DGCR2: variants seen among roughly 807,000 people sequenced by gnomAD.
The protein encoded by DGCR2 is integral membrane protein DGCR2/IDD.
Under a neutral mutation model 51.6 loss-of-function variants are expected in DGCR2, and 24 were observed. The observed-to-expected ratio is 0.47, with a 90% CI of 0.34 to 0.65. The LOEUF is 0.65. DGCR2 is among the 30% of genes least tolerant of loss of function. The pLI is 0.01. For synonymous variants in DGCR2, 340 were observed against 315.4 expected, an observed-to-expected ratio of 1.08 and a Z score of -0.82; for missense variants, 765 against 772.1, an observed-to-expected ratio of 0.99 and a Z score of 0.11.
chr22:19,103,084 A>C (rs763772457), intron 1 of DGCR2, among the ~76,000 whole-genome samples: 47 of 152,200 alleles, frequency 3.1e-4, no homozygotes, highest in Non-Finnish European at 6.0e-4. Flanking sequence ...AAATACTAAC[A>C]CATGCTATAA....
chr22:19,086,045 C>A (rs1000481620), intron 2 of DGCR2, among the ~76,000 whole-genome samples: 6 of 151,910 alleles, frequency 3.9e-5, no homozygotes, highest in African/African-American at 1.5e-4. Flanking sequence ...TTAAAAATTT[C>A]TTTTAAAATA....
chr22:19,071,265 C>A (rs930644190), intron 2 of DGCR2, among the ~76,000 whole-genome samples: 4 of 152,208 alleles, frequency 2.6e-5, no homozygotes, highest in African/African-American at 7.2e-5. Flanking sequence ...TTCCCCAGCA[C>A]AGGAACACAC....
intron 1 of DGCR2, among the ~76,000 whole-genome samples, chr22:19,101,516 G>A (rs1003962416): frequency 3.9e-5 from 6 of 152,026 alleles, no homozygotes; most frequent in South Asian, 2.1e-4. Flanking sequence ...CGAGGTGGGC[G>A]GATCACCTGA....
At chr22:19,049,126 G>A (rs1161914815) in intron 6 of DGCR2, among the ~76,000 whole-genome samples, 1 of 152,268 alleles carries the variant, frequency 6.6e-6, no homozygotes, top group East Asian at 1.9e-4. Context: ...CACTGCAGAA[G>A]TGTTTGCCTG....
intron 1 of DGCR2, among the ~76,000 whole-genome samples, chr22:19,113,724 T>C (rs915737509): frequency 2.0e-5 from 3 of 152,080 alleles, no homozygotes; most frequent in South Asian, 2.1e-4. Context: ...CCTACTGTTA[T>C]GTAGGTTTGA....
intron 1 of DGCR2, among the ~76,000 whole-genome samples, chr22:19,099,866 G>C (rs1197230327): frequency 6.6e-6 from 1 of 151,932 alleles, no homozygotes; most frequent in Non-Finnish European, 1.5e-5. Context: ...AGCTACTCTG[G>C]AGGCTGAGGC....
chr22:19,076,574 C>T (rs1302154540), intron 2 of DGCR2, among the ~76,000 whole-genome samples: 1 of 152,150 alleles, frequency 6.6e-6, no homozygotes, highest in Admixed American at 6.5e-5. Context: ...AAATCCTCGT[C>T]AACACTTGTC....
intron 8 of DGCR2, 65 bp downstream of exon 8, chr22:19,041,742 T>G: frequency 1.9e-6 from 3 of 1,553,906 alleles, no homozygotes; most frequent in Non-Finnish European, 2.6e-6. Flanking sequence ...GGGGAGCTCA[T>G]GGAGACATGG....
chr22:19,122,186 G>A lies in DGCR2; in HGVS notation c.21C>T (p.Ser7=), dbSNP rs761668933. 285 of 1,510,036 alleles carry A rather than the reference G, an allele frequency of 1.9e-4. No homozygotes were observed. The highest frequency in any genetic ancestry group is 2.4e-4 in the Non-Finnish European group (275 of 1,128,708). 93.5% of individuals were successfully genotyped at this position (1,510,036 alleles called of 1,614,324 possible). A position where few individuals can be genotyped will look rare whatever the true frequency, so the allele number is the denominator to read the frequency against. Residue 7 remains serine (S), a synonymous_variant, in exon 1 of 10, where the codon AGC becomes AGT. Coordinates refer to ENST00000263196, the MANE Select transcript of DGCR2 (RefSeq NM_005137.3). ...GCAGGAAGAGCAGCAGGAAGGCGCCGCTGTCTGCCTTGGGCACCATTTATC... is the reference window on the plus strand; with the variant it reads ...GCAGGAAGAGCAGCAGGAAGGCGCCACTGTCTGCCTTGGGCACCATTTATC... The part of the protein sequence containing the change: MVPKAD[S]GAFLLLFLLV...
intron 2 of DGCR2, among the ~76,000 whole-genome samples, chr22:19,072,214 A>G (rs571968585): frequency 4.6e-5 from 7 of 152,286 alleles, no homozygotes; most frequent in African/African-American, 1.7e-4. Flanking sequence ...CAGATTCCCC[A>G]TCGCCATTTT....
At chr22:19,102,137 AC>A (rs2083209137) in intron 1 of DGCR2, among the ~76,000 whole-genome samples, 1 of 152,248 alleles carries the variant, frequency 6.6e-6, no homozygotes, top group Non-Finnish European at 1.5e-5. Context: ...ATGAACCTGG[AC>A]AACATTATGC....
intron 2 of DGCR2, among the ~76,000 whole-genome samples, chr22:19,069,176 T>C (rs1040420511): frequency 6.6e-6 from 1 of 152,256 alleles, no homozygotes; most frequent in Admixed American, 6.5e-5. Flanking sequence ...GACAGACGCC[T>C]GCCAGCAAGT....
chr22:19,062,413 C>A (rs981369246), intron 5 of DGCR2, among the ~76,000 whole-genome samples: 1 of 152,228 alleles, frequency 6.6e-6, no homozygotes, highest in Admixed American at 6.5e-5. Context: ...CCCTTTTCAA[C>A]CCTGTCCCCA....
At chr22:19,080,181 T>G (rs1437794553) in intron 2 of DGCR2, among the ~76,000 whole-genome samples, 1 of 152,180 alleles carries the variant, frequency 6.6e-6, no homozygotes, top group Non-Finnish European at 1.5e-5. Context: ...TATTACCTAC[T>G]TGTCACTACA....
At chr22:19,114,750 C>T (rs566973936) in intron 1 of DGCR2, among the ~76,000 whole-genome samples, 43 of 152,300 alleles carry the variant, frequency 2.8e-4, no homozygotes, top group African/African-American at 8.2e-4. Context: ...CACAAACAAT[C>T]CTCTCCACAA....
chr22:19,057,763 T>C lies in DGCR2; in HGVS notation c.626-601A>G, dbSNP rs898743989. Reference sequence around the variant, plus strand: ...AACTGTCACCCACTCAGCTCCTGCCTAAGCCAGGCACAAGGCAGTCAGAAA... The same window carrying C: ...AACTGTCACCCACTCAGCTCCTGCCCAAGCCAGGCACAAGGCAGTCAGAAA... On this transcript the variant is annotated intron_variant, in intron 5 of 9. Coordinates refer to ENST00000263196, the MANE Select transcript of DGCR2 (RefSeq NM_005137.3). This position sits in a 1 kb window ranked among gnomAD's most constrained non-coding sequence, Gnocchi z 5.1. Among the ~76,000 whole-genome samples, 6 of 151,830 alleles carry C rather than the reference T, an allele frequency of 4.0e-5. No homozygotes were observed. Among genetic ancestry groups the C allele is most frequent in the Non-Finnish European group, 8.8e-5 (6 of 67,952 alleles).
chr22:19,094,958 G>A (rs1019102980), intron 1 of DGCR2, among the ~76,000 whole-genome samples: 42 of 152,178 alleles, frequency 2.8e-4, no homozygotes, highest in African/African-American at 8.9e-4. Flanking sequence ...GACAGAAAGG[G>A]ATGGGGGTGG....
rs1057388979 is a variant in DGCR2, at chr22:19,067,988, T to G, written c.328+112A>C. The G allele has an allele frequency of 1.7e-5, 23 of 1,388,588 alleles. No homozygotes were observed. The Admixed American group carries it at 6.4e-4, about 39-fold the overall frequency. The allele number at this position is 1,388,588 out of a possible 1,614,324, so 86.0% of individuals were successfully genotyped here. A position where few individuals can be genotyped will look rare whatever the true frequency, so the allele number is the denominator to read the frequency against. ...GCCTCATTCATTCCCCTCACTGGCC[T>G]CCAAGGGCTGCTTTGAGAAACCCCT... On this transcript the variant is annotated intron_variant, in intron 3 of 9. Transcript: ENST00000263196.
At chr22:19,075,830 T>C (rs1457080822) in intron 2 of DGCR2, among the ~76,000 whole-genome samples, 2 of 152,240 alleles carry the variant, frequency 1.3e-5, no homozygotes, top group Non-Finnish European at 2.9e-5. Flanking sequence ...CATTCATCTG[T>C]GATGGACACT....
Sources: gnomAD v4.1 joint callset for allele counts (sites outside exome capture counted in the v4.1 genomes callset) on GRCh38, gnomAD v4.1.1 for gene constraint, Gnocchi (gnomAD v3.1) non-coding constraint, MANE v1.5 for transcripts, NCBI Gene and HGNC (gene_info 2026-07-23, HGNC 2026-07-21) for gene names.